Variants in ZYG11B observed in about 807,000 individuals in gnomAD.
ZYG11B encodes zyg-11 family member B, cell cycle regulator.
A neutral mutation model predicts 82.4 loss-of-function variants in ZYG11B; 36 were observed. The observed-to-expected ratio is 0.44, with a 90% CI of 0.33 to 0.58. The LOEUF is 0.58. Ranked by LOEUF, ZYG11B falls within the 20% of genes least tolerant of loss-of-function variation. The pLI, the probability that ZYG11B is intolerant of heterozygous loss-of-function variation, is 0.02. For missense variants in ZYG11B, 552 were observed against 895.6 expected (o/e 0.62, Z 4.90); for synonymous variants, 303 against 312.8 (o/e 0.97, Z 0.33).
chr1:52,819,784 T>TG (rs1441819514), intron 13 of ZYG11B, among the ~76,000 whole-genome samples: 1 of 138,242 alleles, frequency 7.2e-6, no homozygotes, highest in Non-Finnish European at 1.5e-5. Context: ...AGACTCTGTC[T>TG]GAAAAAAAAA....
rs568347185 is a variant in ZYG11B at position 52,757,599 on chromosome 1, C to T, written c.196+976C>T. Among the ~76,000 whole-genome samples, 6 of 152,096 alleles carry T rather than the reference C, an allele frequency of 3.9e-5. No homozygotes were observed. In the South Asian group the frequency reaches 1.2e-3, roughly 32 times the overall value. Reference sequence around the variant, plus strand: ...GTGAGACAGGAGAATCGCTTGAACCCAGGAGACAGAGGTTGCAGTGAGCCG... The same window carrying T: ...GTGAGACAGGAGAATCGCTTGAACCTAGGAGACAGAGGTTGCAGTGAGCCG... On this transcript the variant is annotated intron_variant, in intron 2 of 13. Coordinates refer to ENST00000294353, the MANE Select transcript of ZYG11B (RefSeq NM_024646.3).
At chr1:52,799,302 G>A (rs1645055267) in intron 8 of ZYG11B, among the ~76,000 whole-genome samples, 1 of 151,828 alleles carries the variant, frequency 6.6e-6, no homozygotes, top group South Asian at 2.1e-4. Context: ...CCTGGCTAAT[G>A]CAGTGAAACC....
At chr1:52,750,972 G>T (rs1215368818) in intron 1 of ZYG11B, among the ~76,000 whole-genome samples, 1 of 152,056 alleles carries the variant, frequency 6.6e-6, no homozygotes, top group African/African-American at 2.4e-5. Context: ...GTATTCCATT[G>T]TGGGGCTGTA....
At chr1:52,786,752 G>A (rs1262481491) in intron 5 of ZYG11B, among the ~76,000 whole-genome samples, 3 of 152,172 alleles carry the variant, frequency 2.0e-5, no homozygotes, top group Non-Finnish European at 1.5e-5. Flanking sequence ...CTGTACTCCA[G>A]CCTGTGCAAC....
At chr1:52,728,168 A>G (rs1644300697) in intron 1 of ZYG11B, among the ~76,000 whole-genome samples, 1 of 152,186 alleles carries the variant, frequency 6.6e-6, no homozygotes, top group African/African-American at 2.4e-5. Flanking sequence ...AGGTGCTTGA[A>G]TGATTCACTT....
intron 2 of ZYG11B, among the ~76,000 whole-genome samples, chr1:52,761,849 T>C (rs573994370): frequency 1.3e-4 from 20 of 152,160 alleles, no homozygotes; most frequent in Non-Finnish European, 2.2e-4. Context: ...TTATTTTTTG[T>C]CTTTTGTTAA....
At chr1:52,759,822 A>G (rs1202494814) in intron 2 of ZYG11B, among the ~76,000 whole-genome samples, 1 of 152,052 alleles carries the variant, frequency 6.6e-6, no homozygotes, top group Non-Finnish European at 1.5e-5. Context: ...TTTATTTTTT[A>G]TTTATTGCTG....
intron 8 of ZYG11B, among the ~76,000 whole-genome samples, chr1:52,799,630 C>T (rs1558138632): frequency 6.7e-6 from 1 of 148,878 alleles, no homozygotes; most frequent in Non-Finnish European, 1.5e-5. Flanking sequence ...CCCATCTCTA[C>T]TTAAAAATAC....
intron 10 of ZYG11B, chr1:52,805,392 G>A (rs1214284853): frequency 6.7e-6 from 3 of 447,022 alleles, no homozygotes; most frequent in Admixed American, 4.8e-5. Flanking sequence ...ATTATATAAG[G>A]TAGAAAATGG....
chr1:52,739,098 C>T (rs886440674), intron 1 of ZYG11B, among the ~76,000 whole-genome samples: 1 of 148,906 alleles, frequency 6.7e-6, no homozygotes, highest in Admixed American at 6.9e-5. Context: ...AGCGATTCTC[C>T]TGCCTCAGCC....
chr1:52,767,988 C>T (rs1425917428), intron 2 of ZYG11B, among the ~76,000 whole-genome samples: 2 of 152,190 alleles, frequency 1.3e-5, no homozygotes, highest in Non-Finnish European at 2.9e-5. Context: ...AGTCCTTGCT[C>T]TCTACTCAGA....
At chr1:52,731,681 A>G (rs1221233232) in intron 1 of ZYG11B, among the ~76,000 whole-genome samples, 1 of 152,214 alleles carries the variant, frequency 6.6e-6, no homozygotes, top group Non-Finnish European at 1.5e-5. Flanking sequence ...GTATAATGAC[A>G]ATAGTTATAT....
In ZYG11B at chr1:52,827,303, A is replaced by T. The variant is rs1326901609; in HGVS notation, c.*5674A>T. On this transcript the variant is annotated 3_prime_UTR_variant, in exon 14 of 14. Transcript: ENST00000294353. ...TGTGTGTACAGATTTTTGTTTTGGGATTTTTTTTGCCTAAATAAATGTTAT... is the reference window on the plus strand; with the variant it reads ...TGTGTGTACAGATTTTTGTTTTGGGTTTTTTTTTGCCTAAATAAATGTTAT... 6.6e-6 allele frequency: 1 copy of T among 151,748 alleles called. No homozygotes were observed. Among genetic ancestry groups the T allele is most frequent in the Non-Finnish European group, 1.5e-5 (1 of 67,912 alleles). 9.4% of individuals were successfully genotyped at this position (151,748 alleles called of 1,614,324 possible). A position where few individuals can be genotyped will look rare whatever the true frequency, so the allele number is the denominator to read the frequency against.
intron 3 of ZYG11B, among the ~76,000 whole-genome samples, chr1:52,772,921 C>T (rs995742135): frequency 6.6e-6 from 1 of 152,014 alleles, no homozygotes; most frequent in African/African-American, 2.4e-5. Context: ...TCGTAATCTG[C>T]CCGCCTCGGC....
chr1:52,797,374 AAT>A (rs1397717154), intron 8 of ZYG11B, among the ~76,000 whole-genome samples: 27 of 90,436 alleles, frequency 3.0e-4, no homozygotes, highest in Non-Finnish European at 5.1e-4. Flanking sequence ...TATAATATAT[AAT>A]ATATAATACA....
chr1:52,775,067 A>T (rs1644792692), intron 3 of ZYG11B, among the ~76,000 whole-genome samples: 1 of 150,134 alleles, frequency 6.7e-6, no homozygotes, highest in African/African-American at 2.5e-5. Flanking sequence ...CTTAGCTTCC[A>T]GGATATCATA....
chr1:52,801,743 C>G (rs1645077368), intron 8 of ZYG11B, 76 bp from the exon 9 acceptor site: 10 of 1,233,002 alleles, frequency 8.1e-6, no homozygotes, highest in Middle Eastern at 2.7e-4. Flanking sequence ...TCCTCATGGA[C>G]TTGGGGTTAT....
chr1:52,749,998 T>C (rs1367900575), intron 1 of ZYG11B, among the ~76,000 whole-genome samples: 1 of 152,282 alleles, frequency 6.6e-6, no homozygotes, highest in Admixed American at 6.5e-5. Flanking sequence ...TTTCCTGATC[T>C]TTGAAATGTG....
At position 52,788,444 on chromosome 1, in the gene ZYG11B, A is replaced by C. The variant is rs974406058; in HGVS notation, c.1270-1559A>C. 5.3e-5 allele frequency among the ~76,000 whole-genome samples: 8 copies of C among 152,364 alleles called. 2 individuals carry two copies. Among genetic ancestry groups the C allele is most frequent in the Admixed American group, 5.2e-4 (8 of 15,298 alleles). On this transcript the variant is annotated intron_variant, in intron 5 of 13. Coordinates refer to ENST00000294353, the MANE Select transcript of ZYG11B (RefSeq NM_024646.3). ...GTTAAGCTTAGCAGCTCTTTGTTGAAGTCAGACTATGTGCACCTGTGCCAA... is the reference window on the plus strand; with the variant it reads ...GTTAAGCTTAGCAGCTCTTTGTTGACGTCAGACTATGTGCACCTGTGCCAA...
Sources: allele counts gnomAD v4.1 joint callset (sites outside exome capture counted in the v4.1 genomes callset), GRCh38; gene constraint gnomAD v4.1.1; transcripts MANE v1.5; gene names NCBI Gene and HGNC (gene_info 2026-07-23, HGNC 2026-07-21).